METRNL: variants seen among roughly 807,000 people sequenced by gnomAD.
METRNL encodes meteorin like, glial cell differentiation regulator, also known as meteorin-like protein.
In METRNL, 9 loss-of-function variants were observed where a neutral mutation model predicts 17.4. The observed-to-expected ratio is 0.52, with a 90% CI of 0.31 to 0.90. The LOEUF (loss-of-function observed/expected upper bound fraction) is 0.90, where lower values mean the gene tolerates loss of function less well. Among genes scored for constraint, METRNL ranks in the 40% least tolerant of loss-of-function variants. METRNL has a pLI of 0.05. For synonymous variants in METRNL, 215 were observed against 199.3 expected (o/e 1.08, Z -0.66); for missense variants, 408 against 430.7 (o/e 0.95, Z 0.47).
intron 1 of METRNL, 44 bp downstream of exon 1, chr17:83,080,029 C>A: frequency 1.0e-6 from 1 of 996,062 alleles, no homozygotes; most frequent in Non-Finnish European, 1.2e-6. Context: ...CCTCCCCTCG[C>A]GTCCCCTCCC....
chr17:83,082,554 C>T (rs887269535), intron 1 of METRNL, among the ~76,000 whole-genome samples: 4 of 152,256 alleles, frequency 2.6e-5, no homozygotes, highest in Admixed American at 2.6e-4. Flanking sequence ...ACGGTTTTGT[C>T]TGCACGCTTC....
At chr17:83,084,387 T>C (rs1306414387) in intron 1 of METRNL, 1 of 153,804 alleles carries the variant, frequency 6.5e-6, no homozygotes, top group African/African-American at 2.4e-5. Flanking sequence ...GGGCTCCTCC[T>C]TCACACGTGG....
At position 83,084,919 on chromosome 17, in the gene METRNL, C is replaced by G. The variant is rs1171771347; in HGVS notation, c.171-19C>G. 1.3e-6 allele frequency: 2 copies of G among 1,596,586 alleles called. No homozygotes were observed. Among genetic ancestry groups the G allele is most frequent in the Admixed American group, 1.7e-5 (1 of 59,410 alleles). On this transcript the variant is annotated intron_variant, in intron 1 of 3. Transcript: ENST00000320095. The stretch of plus-strand genomic sequence containing the variant: ...TGACGGGAGCTCCGGGCCTGGCTGA[C>G]AGTGTCTCTCCTCTGCAGCGGGCTG...
intron 1 of METRNL, among the ~76,000 whole-genome samples, chr17:83,081,425 G>A (rs554905452): frequency 6.6e-6 from 1 of 152,278 alleles, no homozygotes; most frequent in Non-Finnish European, 1.5e-5. Context: ...GGGTGTCAGG[G>A]GACTGTGTGC....
chr17:83,083,427 G>T (rs750306869), intron 1 of METRNL, among the ~76,000 whole-genome samples: 1 of 152,258 alleles, frequency 6.6e-6, no homozygotes, highest in Non-Finnish European at 1.5e-5. Flanking sequence ...TGACGATGAG[G>T]CTGCATAAGA....
intron 3 of METRNL, among the ~76,000 whole-genome samples, chr17:83,093,949 G>C (rs962911287): frequency 3.3e-5 from 5 of 152,182 alleles, no homozygotes; most frequent in African/African-American, 1.2e-4. Context: ...GTCTGATCAG[G>C]ACACAGAACT....
At chr17:83,086,659 T>A (rs2038056041) in intron 2 of METRNL, among the ~76,000 whole-genome samples, 1 of 152,088 alleles carries the variant, frequency 6.6e-6, no homozygotes, top group African/African-American at 2.4e-5. Context: ...CTGATTAAAG[T>A]GGTGATTGGT....
intron 1 of METRNL, among the ~76,000 whole-genome samples, chr17:83,081,575 C>T (rs1253959478): frequency 2.6e-5 from 4 of 152,138 alleles, no homozygotes; most frequent in South Asian, 4.1e-4. Context: ...AGTGCTTTGC[C>T]CTCCAGGACC....
At chr17:83,090,163 G>A (rs192668044) in intron 2 of METRNL, among the ~76,000 whole-genome samples, 2,619 of 85,138 alleles carry the variant, frequency 0.031, 122 homozygotes, top group South Asian at 0.077. Context: ...CAGGGTGGGA[G>A]CCACACACCC....
In METRNL at chr17:83,080,015, G is replaced by GCCCCCTCCCCTCGCGTCCCCT. The variant is rs2037963701; in HGVS notation, c.170+34_170+54dup. On this transcript the variant is annotated intron_variant, in intron 1 of 3. Coordinates refer to ENST00000320095, the MANE Select transcript of METRNL (RefSeq NM_001004431.3). ...GTGTGCGCGGCGCGACCCCGGCCCG[G>GCCCCCTCCCCTCGCGTCCCCT]CCCCCTCCCCTCGCGTCCCCTCCCG... 6 of 1,008,576 alleles carry GCCCCCTCCCCTCGCGTCCCCT rather than the reference G, an allele frequency of 5.9e-6. No homozygotes were observed. In the South Asian group the frequency reaches 2.7e-4, roughly 45 times the overall value. 62.5% of individuals were successfully genotyped at this position (1,008,576 alleles called of 1,614,324 possible).
Position 83,085,253 on chromosome 17 carries a change from C to A in METRNL, c.486C>A (p.Gly162=). 1 of 1,572,438 alleles carries A rather than the reference C, an allele frequency of 6.4e-7. No individual in the cohort carries two copies. The highest frequency in any genetic ancestry group is 8.6e-7 in the Non-Finnish European group (1 of 1,157,866). Residue 162 remains glycine, a synonymous_variant, in exon 2 of 4, where the codon GGC becomes GGA. Transcript: ENST00000320095. Reference sequence around the variant, plus strand: ...AGGCCACGCCGCAGCAGGATATCGGCCGGAGGACCACAGGCTTCCAGTACG... The same window carrying A: ...AGGCCACGCCGCAGCAGGATATCGGACGGAGGACCACAGGCTTCCAGTACG... ...FVEATPQQDI[G]RRTTGFQYEL...
intron 2 of METRNL, among the ~76,000 whole-genome samples, chr17:83,090,929 A>G (rs1380927702): frequency 2.6e-5 from 4 of 151,842 alleles, no homozygotes; most frequent in Non-Finnish European, 4.4e-5. Flanking sequence ...TGGTCTGCAG[A>G]CCCCCAGCCG....
In METRNL at chr17:83,085,303, C is replaced by G; in HGVS notation, c.536C>G (p.Ser179Trp). The G allele has an allele frequency of 6.5e-7, 1 of 1,529,678 alleles. No individual in the cohort carries two copies. Among genetic ancestry groups the G allele is most frequent in the South Asian group, 1.3e-5 (1 of 77,720 alleles). 94.8% of individuals were successfully genotyped at this position (1,529,678 alleles called of 1,614,324 possible). A position where few individuals can be genotyped will look rare whatever the true frequency, so the allele number is the denominator to read the frequency against. Residue 179 changes from serine (S) to tryptophan (W), a missense_variant, in exon 2 of 4, where the codon TCG (serine) becomes TGG (tryptophan). Coordinates refer to ENST00000320095, the MANE Select transcript of METRNL (RefSeq NM_001004431.3). ...QYELVRRHRA[S>W]DLHELSAPCR... ...GAGCTGGTTAGGAGGCACAGGGCGT[C>G]GGACCTGCACGAGCTGTCTGGTGAG...
chr17:83,087,207 G>A (rs199870333), intron 2 of METRNL, among the ~76,000 whole-genome samples: 1 of 152,204 alleles, frequency 6.6e-6, no homozygotes, highest in Non-Finnish European at 1.5e-5. Context: ...TGTCCTGTGA[G>A]GCAGGTGCTT....
At chr17:83,081,253 GC>G (rs1194158473) in intron 1 of METRNL, among the ~76,000 whole-genome samples, 3 of 152,062 alleles carry the variant, frequency 2.0e-5, no homozygotes, top group Non-Finnish European at 4.4e-5. Flanking sequence ...GGCCGCCCCT[GC>G]CCCCGCGGAG....
At chr17:83,083,155 G>A (rs1399334601) in intron 1 of METRNL, among the ~76,000 whole-genome samples, 2 of 152,240 alleles carry the variant, frequency 1.3e-5, no homozygotes, top group Non-Finnish European at 2.9e-5. Flanking sequence ...GGCCAGGACG[G>A]CCCCCAGGCT....
chr17:83,089,255 C>G (rs1350117425), intron 2 of METRNL, among the ~76,000 whole-genome samples: 1 of 152,166 alleles, frequency 6.6e-6, no homozygotes, highest in African/African-American at 2.4e-5. Context: ...CTTGGCTCCT[C>G]TGAAAGCACC....
At chr17:83,084,835 G>T in intron 1 of METRNL, 103 bp from the exon 2 acceptor site, 2 of 1,449,788 alleles carry the variant, frequency 1.4e-6, no homozygotes, top group Non-Finnish European at 1.9e-6. Flanking sequence ...TCCAGGAGCC[G>T]CCATCATTTG....
At chr17:83,088,739 C>T (rs1284719565) in intron 2 of METRNL, among the ~76,000 whole-genome samples, 9 of 152,096 alleles carry the variant, frequency 5.9e-5, no homozygotes, top group Non-Finnish European at 1.3e-4. Flanking sequence ...CCTGGCTGAG[C>T]CCGTAGGTGA....
Sources: gnomAD v4.1 joint callset for allele counts (sites outside exome capture counted in the v4.1 genomes callset) on GRCh38, gnomAD v4.1.1 for gene constraint, MANE v1.5 for transcripts, NCBI Gene and HGNC (gene_info 2026-07-23, HGNC 2026-07-21) for gene names.